TACC2: variants seen among roughly 807,000 people sequenced by gnomAD.
The protein encoded by TACC2 is transforming acidic coiled-coil containing protein 2.
Under a neutral mutation model 227.3 loss-of-function variants are expected in TACC2, and 137 were observed. That is an observed-to-expected ratio of 0.60 (90% CI 0.52 to 0.69). The LOEUF (loss-of-function observed/expected upper bound fraction) is 0.69. TACC2 is among the 30% of genes least tolerant of loss of function. TACC2 has a pLI of 0.00. For missense variants in TACC2, 3,470 were observed against 3,694.4 expected (o/e 0.94, Z 1.57); for synonymous variants, 1,523 against 1,487.5 (o/e 1.02, Z -0.55).
chr10:122,198,065 C>T (rs2094636160), intron 8 of TACC2, among the ~76,000 whole-genome samples: 1 of 152,258 alleles, frequency 6.6e-6, no homozygotes. Flanking sequence ...AATTAATACA[C>T]AACACCTTTG....
At chr10:122,176,916 G>A (rs2093745130) in intron 7 of TACC2, among the ~76,000 whole-genome samples, 1 of 151,882 alleles carries the variant, frequency 6.6e-6, no homozygotes, top group Admixed American at 6.5e-5. Context: ...AGGGACCTGG[G>A]GCTTCTGGTG....
intron 5 of TACC2, among the ~76,000 whole-genome samples, chr10:122,100,252 A>G (rs1185819091): frequency 1.3e-5 from 2 of 148,790 alleles, no homozygotes; most frequent in Non-Finnish European, 3.0e-5. Flanking sequence ...CAACAGAGCG[A>G]GACTCTGTCT....
At chr10:122,238,106 C>A in intron 18 of TACC2, 69 bp downstream of exon 18, 1 of 1,253,222 alleles carries the variant, frequency 8.0e-7, no homozygotes, top group South Asian at 1.2e-5. Flanking sequence ...ATGACCGGAG[C>A]TGGTGTGGTC....
chr10:122,064,887 T>TAG (rs1191678570), intron 3 of TACC2, among the ~76,000 whole-genome samples: 2 of 152,328 alleles, frequency 1.3e-5, no homozygotes, highest in East Asian at 3.9e-4. Flanking sequence ...TAGTCCTGTA[T>TAG]AGATCTAGGT....
Position 122,047,243 on chromosome 10 carries a change from G to A in TACC2, c.34-3195G>A, listed in dbSNP as rs912698619. Among the ~76,000 whole-genome samples the A allele has an allele frequency of 2.3e-5, 3 of 128,406 alleles. No homozygotes were observed. In the Admixed American group the frequency reaches 2.7e-4, roughly 11 times the overall value. The allele number at this position is 128,406 out of a possible 152,430, so 84.2% of individuals were successfully genotyped here. A position where few individuals can be genotyped will look rare whatever the true frequency, so the allele number is the denominator to read the frequency against. On this transcript the variant is annotated intron_variant, in intron 2 of 22. Coordinates refer to ENST00000369005, the MANE Select transcript of TACC2 (RefSeq NM_206862.4). ...AGCACAGGTTGCAGCGATCCGAGAT[G>A]GTGCCACCAAACTCCAGCCTGGGCA...
At chr10:122,113,453 A>G (rs1024430035) in intron 5 of TACC2, among the ~76,000 whole-genome samples, 3 of 152,228 alleles carry the variant, frequency 2.0e-5, no homozygotes, top group African/African-American at 7.2e-5. Flanking sequence ...GTGTCTGCCC[A>G]GGAGCCTGGT....
rs547161743 is a variant in TACC2 at position 122,083,773 on chromosome 10, T to C, written c.1273T>C (p.Phe425Leu). 35 of 1,614,140 alleles carry C rather than the reference T, an allele frequency of 2.2e-5. No individual in the cohort carries two copies. In the African/African-American group the frequency reaches 3.2e-4, roughly 15 times the overall value. Residue 425 changes from phenylalanine (F) to leucine (L), a missense_variant, in exon 4 of 23, where the codon TTC becomes CTC. By Grantham distance (22) the Phe-to-Leu change is conservative (BLOSUM62 0). Around this residue, in one of 10 missense-constraint regions of TACC2, gnomAD observed 1,924 missense variants for 1,978.3 expected, o/e 0.97. Coordinates refer to ENST00000369005, the MANE Select transcript of TACC2 (RefSeq NM_206862.4). The part of the protein sequence containing the change: ...EAHPASSLAS[F>L]PAAQIPIAVE... ...ACATCCAGCTTCAAGCCTCGCTTCA[T>C]TCCCAGCTGCTCAGATTCCTATTGC...
chr10:122,004,273 C>A (rs1046861367), intron 1 of TACC2, among the ~76,000 whole-genome samples: 1 of 151,850 alleles, frequency 6.6e-6, no homozygotes, highest in Non-Finnish European at 1.5e-5. Flanking sequence ...TGGTGGGCAC[C>A]TGTAGTCCCA....
At chr10:122,038,413 G>A (rs1274793086) in intron 2 of TACC2, among the ~76,000 whole-genome samples, 1 of 152,218 alleles carries the variant, frequency 6.6e-6, no homozygotes, top group Admixed American at 6.5e-5. Flanking sequence ...GGGGCAGAAA[G>A]CAGGGACTTT....
chr10:122,097,006 C>G (rs923496006), intron 5 of TACC2, among the ~76,000 whole-genome samples: 1 of 152,034 alleles, frequency 6.6e-6, no homozygotes, highest in Non-Finnish European at 1.5e-5. Context: ...CTTTTGCAAG[C>G]CTGGCCGAGG....
chr10:122,116,061 G>A (rs552439987), intron 5 of TACC2, among the ~76,000 whole-genome samples: 1 of 152,192 alleles, frequency 6.6e-6, no homozygotes, highest in Admixed American at 6.5e-5. Context: ...CATAACCCCA[G>A]TAATCATGTT....
chr10:122,015,057 T>G (rs1471087596), intron 1 of TACC2, among the ~76,000 whole-genome samples: 1 of 121,294 alleles, frequency 8.2e-6, no homozygotes, highest in Admixed American at 8.5e-5. Flanking sequence ...CTGGTGGACT[T>G]TGGCCAAACC....
In TACC2 at chr10:122,018,641, T is replaced by C. The variant is rs1484578961; in HGVS notation, c.-45-3296T>C. Among the ~76,000 whole-genome samples the C allele has an allele frequency of 3.3e-5, 5 of 152,232 alleles. No individual in the cohort carries two copies. The East Asian group carries it at 7.7e-4, about 23-fold the overall frequency. On this transcript the variant is annotated intron_variant, in intron 1 of 22. Transcript: ENST00000369005. The stretch of plus-strand genomic sequence containing the variant: ...TTCCTATCAATGGGATCGTAAAATC[T>C]ATGACCTTTTGTGCCTGGCTTCTTT...
At chr10:122,152,513 C>G (rs760466394) in intron 7 of TACC2, among the ~76,000 whole-genome samples, 1 of 152,218 alleles carries the variant, frequency 6.6e-6, no homozygotes, top group African/African-American at 2.4e-5. Flanking sequence ...CACGGACCTT[C>G]CCTTACTTGG....
chr10:122,190,496 C>T (rs909851788), intron 7 of TACC2, among the ~76,000 whole-genome samples: 1 of 152,170 alleles, frequency 6.6e-6, no homozygotes, highest in African/African-American at 2.4e-5. Flanking sequence ...TCGTGGCCAG[C>T]ACAGTCTGTC....
intron 3 of TACC2, among the ~76,000 whole-genome samples, chr10:122,074,556 G>C (rs2078548207): frequency 6.6e-6 from 1 of 152,144 alleles, no homozygotes; most frequent in Admixed American, 6.5e-5. Context: ...TGAAGTTCTT[G>C]AGGGGACTGT....
chr10:122,038,764 C>G (rs909770147), intron 2 of TACC2, among the ~76,000 whole-genome samples: 2 of 151,338 alleles, frequency 1.3e-5, no homozygotes, highest in African/African-American at 4.9e-5. Flanking sequence ...ATTTCTAAAG[C>G]GCTAAGTAGG....
intron 9 of TACC2, among the ~76,000 whole-genome samples, chr10:122,212,184 C>T (rs1410582334): frequency 6.6e-6 from 1 of 152,232 alleles, no homozygotes; most frequent in Non-Finnish European, 1.5e-5. Context: ...ATAGTAGATT[C>T]CAGGAGGCTC....
intron 7 of TACC2, among the ~76,000 whole-genome samples, chr10:122,189,576 A>T (rs2094337671): frequency 6.6e-6 from 1 of 152,214 alleles, no homozygotes. Flanking sequence ...CACTCTGAGG[A>T]GTGGTCCCAA....
Sources: allele counts gnomAD v4.1 joint callset (sites outside exome capture counted in the v4.1 genomes callset), GRCh38; gene constraint gnomAD v4.1.1; regional missense constraint gnomAD v4.1.1; transcripts MANE v1.5; gene names NCBI Gene and HGNC (gene_info 2026-07-23, HGNC 2026-07-21).